Variants in TMEM45A observed in about 807,000 individuals in gnomAD.
TMEM45A encodes the protein DNA polymerase-transactivated protein 4.
Under a neutral mutation model 32.0 loss-of-function variants are expected in TMEM45A, and 25 were observed. That is an observed-to-expected ratio of 0.78 (90% CI 0.57 to 1.09). The LOEUF (loss-of-function observed/expected upper bound fraction) is 1.09. TMEM45A is among the 50% of genes least tolerant of loss of function. TMEM45A has a pLI of 0.00. For synonymous variants in TMEM45A, 122 were observed against 114.8 expected (o/e 1.06, Z -0.40); for missense variants, 302 against 325.0 (o/e 0.93, Z 0.54).
chr3:100,523,993 G>A (rs1705492329), intron 1 of TMEM45A, among the ~76,000 whole-genome samples: 1 of 152,236 alleles, frequency 6.6e-6, no homozygotes, highest in Admixed American at 6.5e-5. Flanking sequence ...AGTAGCTAAT[G>A]AAATAAGGAT....
At chr3:100,551,083 G>C (rs934543642) in intron 1 of TMEM45A, among the ~76,000 whole-genome samples, 8 of 146,760 alleles carry the variant, frequency 5.5e-5, no homozygotes, top group African/African-American at 2.0e-4. Flanking sequence ...GCGGGATCTC[G>C]GCTGACTGCA....
chr3:100,503,421 A>G (rs896640001), intron 1 of TMEM45A, among the ~76,000 whole-genome samples: 3 of 152,154 alleles, frequency 2.0e-5, no homozygotes, highest in East Asian at 3.9e-4. Context: ...TGCTGCTTCT[A>G]TGACTTCTTG....
Position 100,511,767 on chromosome 3 carries a change from G to A in TMEM45A, c.-4+18839G>A, listed in dbSNP as rs572402338. Among the ~76,000 whole-genome samples, 7 of 152,100 alleles carry A rather than the reference G, an allele frequency of 4.6e-5. No homozygotes were observed. In the East Asian group the frequency reaches 1.3e-3, roughly 29 times the overall value. ...AGACACACATAGGCTCAAAATAAAA[G>A]GATGGAGGAAGATCTACCGAGCAAA... On this transcript the variant is annotated intron_variant, in intron 1 of 5. Transcript: ENST00000323523.
chr3:100,551,241 C>A (rs536012034), intron 1 of TMEM45A, among the ~76,000 whole-genome samples: 30 of 152,264 alleles, frequency 2.0e-4, no homozygotes, highest in Admixed American at 5.9e-4. Flanking sequence ...TCTCGATCTC[C>A]TGACCTCGTG....
rs73860680 is a variant in TMEM45A, at chr3:100,502,336, C to T, written c.-4+9408C>T. Among the ~76,000 whole-genome samples, 1,310 of 152,032 alleles carry T rather than the reference C, an allele frequency of 8.6e-3. 22 individuals are homozygous for T. Among genetic ancestry groups the T allele is most frequent in the African/African-American group, 0.03 (1,247 of 41,452 alleles). On this transcript the variant is annotated intron_variant, in intron 1 of 5. Coordinates refer to ENST00000323523, the MANE Select transcript of TMEM45A (RefSeq NM_018004.3). ...TTTTTCTTTCTCTCTCCTTACAAAC[C>T]AGGCATAATTCAGACTAATGATCAT...
chr3:100,541,593 G>A (rs1705880919), intron 1 of TMEM45A, among the ~76,000 whole-genome samples: 1 of 137,672 alleles, frequency 7.3e-6, no homozygotes, highest in African/African-American at 2.7e-5. Flanking sequence ...TTGATGGCAC[G>A]ATCATGACTC....
At chr3:100,553,305 T>C (rs1379451916) in intron 1 of TMEM45A, among the ~76,000 whole-genome samples, 1 of 152,128 alleles carries the variant, frequency 6.6e-6, no homozygotes, top group African/African-American at 2.4e-5. Context: ...TTTAATCCTA[T>C]TTTTTTAACT....
chr3:100,507,923 C>T (rs1708099994), intron 1 of TMEM45A, among the ~76,000 whole-genome samples: 1 of 150,844 alleles, frequency 6.6e-6, no homozygotes, highest in Non-Finnish European at 1.5e-5. Context: ...TATTCACCTT[C>T]TCCACAAAAG....
intron 1 of TMEM45A, among the ~76,000 whole-genome samples, chr3:100,501,588 T>A (rs112138842): frequency 5.0e-4 from 76 of 152,366 alleles, no homozygotes; most frequent in African/African-American, 1.8e-3. Context: ...CTTCTTGGGA[T>A]GTTTACAGAG....
At chr3:100,543,795 CTTTA>C (rs1481221725) in intron 1 of TMEM45A, among the ~76,000 whole-genome samples, 2 of 152,060 alleles carry the variant, frequency 1.3e-5, no homozygotes, top group East Asian at 3.9e-4. Flanking sequence ...TATTTGAAAA[CTTTA>C]TTTATGGTAC....
chr3:100,495,882 C>T (rs67774605), intron 1 of TMEM45A, among the ~76,000 whole-genome samples: 33,642 of 152,112 alleles, frequency 0.22, 4,082 homozygotes, highest in East Asian at 0.37. Flanking sequence ...CCTCCCCATC[C>T]GCATACACGC....
intron 3 of TMEM45A, 150 bp downstream of exon 3, chr3:100,557,122 C>A: frequency 3.6e-6 from 3 of 842,830 alleles, no homozygotes; most frequent in Non-Finnish European, 5.6e-6. Context: ...GTGTCCTAGG[C>A]AGGGCGCCAA....
chr3:100,574,920 T>C lies in TMEM45A; in HGVS notation c.735-2005T>C, dbSNP rs564023527. Among the ~76,000 whole-genome samples the C allele has an allele frequency of 1.7e-4, 26 of 152,340 alleles. No homozygotes were observed. The East Asian group carries it at 5.0e-3, about 29-fold the overall frequency. On this transcript the variant is annotated intron_variant, in intron 5 of 5. Transcript: ENST00000323523. ...AGACCAAGGGTTAAATTTTCTGATA[T>C]ATTTTGATATAAACTTAAGCAATAG...
rs1707865988 is a variant in TMEM45A at position 100,492,780 on chromosome 3, T to G, written c.-152T>G. 1 of 134,230 alleles carries G rather than the reference T, an allele frequency of 7.4e-6. No homozygotes were observed. Among genetic ancestry groups the G allele is most frequent in the Admixed American group, 7.6e-5 (1 of 13,124 alleles). The allele number at this position is 134,230 out of a possible 1,614,324, so 8.3% of individuals were successfully genotyped here. On this transcript the variant is annotated 5_prime_UTR_variant, in exon 1 of 6. Coordinates refer to ENST00000323523, the MANE Select transcript of TMEM45A (RefSeq NM_018004.3). ...TCCTCCCCCCACCCAATGCGAGACGTGGCCAGATCCCATCCAACACACGGT... is the reference window on the plus strand; with the variant it reads ...TCCTCCCCCCACCCAATGCGAGACGGGGCCAGATCCCATCCAACACACGGT...
At chr3:100,565,978 A>G (rs1706427479) in intron 4 of TMEM45A, among the ~76,000 whole-genome samples, 1 of 152,102 alleles carries the variant, frequency 6.6e-6, no homozygotes, top group South Asian at 2.1e-4. Context: ...TTCTGTCTCT[A>G]TGAATATTTG....
chr3:100,538,168 A>G (rs1252472719), intron 1 of TMEM45A, among the ~76,000 whole-genome samples: 2 of 152,210 alleles, frequency 1.3e-5, no homozygotes, highest in Non-Finnish European at 2.9e-5. Context: ...TTCTTGTATT[A>G]TGGGATGGTT....
At chr3:100,561,740 G>A (rs1450160739) in intron 4 of TMEM45A, among the ~76,000 whole-genome samples, 1 of 152,114 alleles carries the variant, frequency 6.6e-6, no homozygotes, top group South Asian at 2.1e-4. Context: ...CACCGCCCAG[G>A]TGCAGGGACA....
intron 1 of TMEM45A, among the ~76,000 whole-genome samples, chr3:100,526,966 A>C (rs1321165402): frequency 6.6e-6 from 1 of 152,242 alleles, no homozygotes. Context: ...AAGACGTAAA[A>C]ATCTCATATC....
At chr3:100,575,649 G>C (rs534048375) in intron 5 of TMEM45A, among the ~76,000 whole-genome samples, 2 of 152,312 alleles carry the variant, frequency 1.3e-5, no homozygotes, top group Admixed American at 1.3e-4. Flanking sequence ...GGGATTATAG[G>C]CATGAGCCAC....
Sources: allele counts gnomAD v4.1 joint callset (sites outside exome capture counted in the v4.1 genomes callset), GRCh38; gene constraint gnomAD v4.1.1; transcripts MANE v1.5; gene names NCBI Gene and HGNC (gene_info 2026-07-23, HGNC 2026-07-21).